The following ROBO1 variants were observed in gnomAD, a reference collection of about 807,000 sequenced individuals.
The protein encoded by ROBO1 is roundabout homolog 1.
ROBO1 carries 149 observed loss-of-function variants against 195.9 expected under a neutral mutation model. The ratio of observed to expected loss-of-function variants is 0.76; its 90% CI spans 0.67 to 0.87. The LOEUF (loss-of-function observed/expected upper bound fraction) is 0.87. Among genes scored for constraint, ROBO1 ranks in the 40% least tolerant of loss-of-function variants. The probability of loss-of-function intolerance (pLI) is 0.00; values close to 1 mark genes in which losing one functional copy is unlikely to be tolerated. For missense variants in ROBO1, 1,933 were observed against 2,068.3 expected (o/e 0.93, Z 1.27); for synonymous variants, 816 against 733.2 (o/e 1.11, Z -1.82).
intron 2 of ROBO1, among the ~76,000 whole-genome samples, chr3:79,317,573 T>G (rs2033791974): frequency 6.6e-6 from 1 of 152,186 alleles, no homozygotes; most frequent in South Asian, 2.1e-4. Context: ...AATCTAATCT[T>G]CTACTCATGT....
At chr3:78,991,531 C>T (rs1227043091) in intron 3 of ROBO1, among the ~76,000 whole-genome samples, 1 of 152,202 alleles carries the variant, frequency 6.6e-6, no homozygotes, top group African/African-American at 2.4e-5. Flanking sequence ...AAATAGCTGA[C>T]CCTTTCCCAG....
chr3:79,531,840 A>G (rs1411377420), intron 2 of ROBO1, among the ~76,000 whole-genome samples: 1 of 111,264 alleles, frequency 9.0e-6, no homozygotes, highest in Non-Finnish European at 2.0e-5. Flanking sequence ...CCAAGCATGA[A>G]GTCCGAATCA....
rs1349986983 is a variant in ROBO1, at chr3:78,603,732, T to C, written c.4744+3001A>G. On this transcript the variant is annotated intron_variant, in intron 29 of 30. Transcript: ENST00000464233. ...ATTATGAAGGTGAAAATTACAGCAA[T>C]GCATAAAAATGATCACTTAATGGCA... 3.3e-5 allele frequency among the ~76,000 whole-genome samples: 5 copies of C among 152,212 alleles called. No homozygotes were observed. In the East Asian group the frequency reaches 9.7e-4, roughly 29 times the overall value.
intron 2 of ROBO1, among the ~76,000 whole-genome samples, chr3:79,152,649 T>C (rs1434448376): frequency 6.6e-6 from 1 of 151,826 alleles, no homozygotes; most frequent in Admixed American, 6.6e-5. Flanking sequence ...ACGAATAATA[T>C]GATCTTTAGC....
intron 4 of ROBO1, among the ~76,000 whole-genome samples, chr3:78,799,542 C>T (rs573640402): frequency 1.6e-4 from 24 of 152,026 alleles, no homozygotes; most frequent in African/African-American, 2.7e-4. Flanking sequence ...GGGGTTTCAC[C>T]GTGTTAGCCA....
chr3:79,221,857 T>C (rs2082144798), intron 2 of ROBO1, among the ~76,000 whole-genome samples: 2 of 152,116 alleles, frequency 1.3e-5, no homozygotes, highest in Admixed American at 1.3e-4. Flanking sequence ...GCAGAAATAA[T>C]ATGGTTATCT....
rs954111015 is a variant in ROBO1, at chr3:79,760,734, G to C, written c.-51+7018C>G. 9.2e-5 allele frequency among the ~76,000 whole-genome samples: 5 copies of C among 54,386 alleles called. No individual in the cohort carries two copies. In the South Asian group the frequency reaches 3.3e-3, roughly 36 times the overall value. 35.7% of individuals were successfully genotyped at this position (54,386 alleles called of 152,430 possible). ...ATGTGACATTATTAAATATTCATGG[G>C]GGCTTTCACAAGTATAAGAGATTAT... On this transcript the variant is annotated intron_variant, in intron 1 of 30. Transcript: ENST00000464233.
chr3:78,862,641 G>A (rs1482947182), intron 4 of ROBO1, among the ~76,000 whole-genome samples: 2 of 152,122 alleles, frequency 1.3e-5, no homozygotes, highest in African/African-American at 4.8e-5. Context: ...GAGTACCATA[G>A]GATTGATTAA....
chr3:79,027,447 C>T (rs891120630), intron 3 of ROBO1, among the ~76,000 whole-genome samples: 2 of 151,944 alleles, frequency 1.3e-5, no homozygotes, highest in Non-Finnish European at 2.9e-5. Flanking sequence ...GAAAGCCTCA[C>T]ATTTGAGCAG....
intron 2 of ROBO1, among the ~76,000 whole-genome samples, chr3:79,558,090 T>G (rs554266931): frequency 6.6e-6 from 1 of 152,324 alleles, no homozygotes; most frequent in African/African-American, 2.4e-5. Flanking sequence ...TAATTCATTC[T>G]AGTACAGTTG....
chr3:79,390,952 G>C (rs151122482), intron 2 of ROBO1, among the ~76,000 whole-genome samples: 9 of 152,130 alleles, frequency 5.9e-5, no homozygotes, highest in Non-Finnish European at 1.2e-4. Flanking sequence ...AACGCTTTAA[G>C]AATACCCCAA....
At position 78,722,515 on chromosome 3, in the gene ROBO1, C is replaced by T. The variant is rs142391043; in HGVS notation, c.658-4632G>A. On this transcript the variant is annotated intron_variant, in intron 5 of 30. Coordinates refer to ENST00000464233, the MANE Select transcript of ROBO1 (RefSeq NM_002941.4). ...CAAGGCCTGAAAAATATAACATTTG[C>T]AAAACATTTTTAGTGAGAAAAATGC... 5.3e-5 allele frequency among the ~76,000 whole-genome samples: 8 copies of T among 152,148 alleles called. No homozygotes were observed. In the East Asian group the frequency reaches 1.5e-3, roughly 29 times the overall value.
intron 2 of ROBO1, among the ~76,000 whole-genome samples, chr3:79,391,443 G>A (rs2036946488): frequency 6.6e-6 from 1 of 152,216 alleles, no homozygotes; most frequent in South Asian, 2.1e-4. Context: ...ATAGTACAAA[G>A]CATGCCAGGC....
chr3:79,610,063 C>T (rs1174926232), intron 1 of ROBO1, among the ~76,000 whole-genome samples: 1 of 151,644 alleles, frequency 6.6e-6, no homozygotes, highest in Non-Finnish European at 1.5e-5. Context: ...TATAAATTAG[C>T]TATTTATATT....
Position 79,205,442 on chromosome 3 carries a change from C to T in ROBO1, c.89-79903G>A, listed in dbSNP as rs2081850101. ...CCAGATAACATGGAGATAATGTTAT[C>T]TACCTTTTCTCCATGCATAAGAAAT... is the stretch of plus-strand genomic sequence containing the variant. On this transcript the variant is annotated intron_variant, in intron 2 of 30. Transcript: ENST00000464233. Among the ~76,000 whole-genome samples the T allele has an allele frequency of 4.6e-5, 7 of 152,220 alleles. No homozygotes were observed. The South Asian group carries it at 1.4e-3, about 32-fold the overall frequency.
intron 2 of ROBO1, among the ~76,000 whole-genome samples, chr3:79,276,799 T>C (rs2108989090): frequency 6.6e-6 from 1 of 152,066 alleles, no homozygotes; most frequent in East Asian, 1.9e-4. Context: ...ATTTTTAAAA[T>C]GAGCAAAATA....
intron 2 of ROBO1, among the ~76,000 whole-genome samples, chr3:79,458,105 T>C (rs1341855194): frequency 1.3e-5 from 2 of 152,176 alleles, no homozygotes; most frequent in Admixed American, 6.6e-5. Flanking sequence ...TCACAGATTA[T>C]TTCTCATTTT....
intron 3 of ROBO1, among the ~76,000 whole-genome samples, chr3:78,965,902 T>C (rs558811556): frequency 7.9e-5 from 12 of 152,326 alleles, no homozygotes; most frequent in Non-Finnish European, 1.3e-4. Flanking sequence ...CAGGAGGCTT[T>C]TGAATACTTG....
intron 2 of ROBO1, among the ~76,000 whole-genome samples, chr3:79,501,455 T>G (rs1940065447): frequency 6.6e-6 from 1 of 152,192 alleles, no homozygotes; most frequent in Non-Finnish European, 1.5e-5. Context: ...TGTGATTCCA[T>G]GACTACTAAA....
Sources: gnomAD v4.1 joint callset for allele counts (sites outside exome capture counted in the v4.1 genomes callset) on GRCh38, gnomAD v4.1.1 for gene constraint, MANE v1.5 for transcripts, NCBI Gene and HGNC (gene_info 2026-07-23, HGNC 2026-07-21) for gene names.